The following NRK variants were observed in gnomAD, a reference collection of about 807,000 sequenced individuals.
NRK encodes the protein Nik related kinase, also known as nik-related protein kinase.
NRK carries 67 observed loss-of-function variants against 125.2 expected under a neutral mutation model. That is an observed-to-expected ratio of 0.54 (90% CI 0.44 to 0.66). NRK has a LOEUF of 0.66. Among genes scored for constraint, NRK ranks in the 30% least tolerant of loss-of-function variants. The probability of loss-of-function intolerance (pLI) is 0.00; values close to 1 mark genes in which losing one functional copy is unlikely to be tolerated. For synonymous variants in NRK, 458 were observed against 429.0 expected, an observed-to-expected ratio of 1.07 and a Z score of -0.84; for missense variants, 1,224 against 1,192.9, an observed-to-expected ratio of 1.03 and a Z score of -0.38.
In NRK at chrX:105,896,130, C is replaced by T. The variant is rs1215102117; in HGVS notation, c.580+607C>T. Among the ~76,000 whole-genome samples, 3 of 111,948 alleles carry T rather than the reference C, an allele frequency of 2.7e-5. No individual in the cohort carries two copies. The Admixed American group carries it at 2.8e-4, about 11-fold the overall frequency. Reference sequence around the variant, plus strand: ...TATATAATTTACTTGAAAATAACCACACATACTTTCTGATTTTCTTGTCCT... The same window carrying T: ...TATATAATTTACTTGAAAATAACCATACATACTTTCTGATTTTCTTGTCCT... On this transcript the variant is annotated intron_variant, in intron 7 of 28. Coordinates refer to ENST00000243300, the MANE Select transcript of NRK (RefSeq NM_198465.4).
chrX:105,924,395 A>G (rs948662015), intron 18 of NRK, among the ~76,000 whole-genome samples: 1 of 111,933 alleles, frequency 8.9e-6, no homozygotes, highest in Non-Finnish European at 1.9e-5. Flanking sequence ...GAAAAAAACT[A>G]CATATTCTTG....
At chrX:105,850,966 A>G (rs1008362437) in intron 2 of NRK, among the ~76,000 whole-genome samples, 3 of 111,605 alleles carry the variant, frequency 2.7e-5, no homozygotes, top group African/African-American at 9.8e-5. Context: ...GCCCCACTCT[A>G]CTGGTACCAA....
At chrX:105,877,160 A>G (rs1430237844) in intron 2 of NRK, among the ~76,000 whole-genome samples, 1 of 111,751 alleles carries the variant, frequency 8.9e-6, no homozygotes, top group Non-Finnish European at 1.9e-5. Context: ...CCAAAAATTC[A>G]CATAACCTCA....
chrX:105,886,976 A>G (rs932455538), intron 4 of NRK, among the ~76,000 whole-genome samples: 12 of 111,390 alleles, frequency 1.1e-4, no homozygotes, highest in African/African-American at 3.6e-4. Context: ...AGCTAAAACT[A>G]TAAAATGCTT....
intron 2 of NRK, among the ~76,000 whole-genome samples, chrX:105,834,159 G>C (rs769973081): frequency 8.1e-5 from 9 of 111,023 alleles, no homozygotes; most frequent in African/African-American, 2.6e-4. Context: ...ATTTCTTATA[G>C]TCCAAGGCTT....
intron 2 of NRK, among the ~76,000 whole-genome samples, chrX:105,861,517 T>G (rs762258020): frequency 3.9e-4 from 44 of 111,780 alleles, no homozygotes; most frequent in Non-Finnish European, 4.9e-4. Flanking sequence ...GTCTTACAGT[T>G]AGGTAGCTGA....
chrX:105,828,334 G>C (rs951937775), intron 1 of NRK, among the ~76,000 whole-genome samples: 1 of 111,888 alleles, frequency 8.9e-6, no homozygotes, highest in Non-Finnish European at 1.9e-5. Context: ...TCCCAACATA[G>C]ATATGAGGCC....
intron 19 of NRK, among the ~76,000 whole-genome samples, chrX:105,933,687 A>C (rs758241054): frequency 9.0e-6 from 1 of 111,421 alleles, no homozygotes; most frequent in South Asian, 3.8e-4. Context: ...CAGGTTTTTC[A>C]TGCTTTCAGT....
intron 4 of NRK, among the ~76,000 whole-genome samples, chrX:105,883,851 G>A (rs1171197381): frequency 8.9e-6 from 1 of 112,812 alleles, no homozygotes; most frequent in Non-Finnish European, 1.9e-5. Flanking sequence ...CTGAGAGTGC[G>A]TACGCACAAA....
In NRK at chrX:105,924,813, G is replaced by A. The variant is rs1163124416; in HGVS notation, c.3094G>A (p.Ala1032Thr). Residue 1032 changes from alanine to threonine, a missense_variant, in exon 19 of 29, where the codon GCA becomes ACA. By Grantham distance (58) the Ala-to-Thr change is moderately conservative. Coordinates refer to ENST00000243300, the MANE Select transcript of NRK (RefSeq NM_198465.4). ...AGCCAATAGAAGCCATGGAGGAAGT[G>A]CAGCCAGTGAGGACAATGCAGCCAT... ...HTANRSHGGS[A>T]ASEDNAAIGD... 2 of 1,210,664 alleles carry A rather than the reference G, an allele frequency of 1.7e-6. No homozygotes were observed. The highest frequency in any genetic ancestry group is 3.0e-5 in the East Asian group (1 of 33,766).
intron 1 of NRK, among the ~76,000 whole-genome samples, chrX:105,828,060 GC>G (rs2147634345): frequency 8.9e-6 from 1 of 112,123 alleles, no homozygotes; most frequent in Admixed American, 9.5e-5. Context: ...GACTGTAAGT[GC>G]AAAATATATG....
chrX:105,835,882 A>G (rs1045384268), intron 2 of NRK, among the ~76,000 whole-genome samples: 3 of 111,789 alleles, frequency 2.7e-5, no homozygotes, highest in African/African-American at 9.8e-5. Context: ...ATGCTAACCC[A>G]CATTTGCTCT....
chrX:105,866,129 T>C (rs1244207011), intron 2 of NRK, among the ~76,000 whole-genome samples: 1 of 111,366 alleles, frequency 9.0e-6, no homozygotes, highest in Admixed American at 9.6e-5. Flanking sequence ...TTATTAGTGA[T>C]AGAGGAGGTT....
At chrX:105,843,869 GT>G (rs753216954) in intron 2 of NRK, among the ~76,000 whole-genome samples, 3 of 109,495 alleles carry the variant, frequency 2.7e-5, no homozygotes, top group Non-Finnish European at 5.7e-5. Flanking sequence ...TGCTGTAATG[GT>G]TTTTTTTAAC....
chrX:105,920,943 A>C (rs2040434690), intron 16 of NRK, among the ~76,000 whole-genome samples: 1 of 94,761 alleles, frequency 1.1e-5, no homozygotes, highest in South Asian at 5.7e-4. Flanking sequence ...GGGATCTAGA[A>C]CTGGAAATAC....
intron 19 of NRK, among the ~76,000 whole-genome samples, chrX:105,927,477 C>G (rs2040539517): frequency 9.0e-6 from 1 of 111,385 alleles, no homozygotes; most frequent in Admixed American, 9.5e-5. Flanking sequence ...ATTGCCTTCT[C>G]TTGCCAAATT....
rs1341836354 is a variant in NRK at position 105,909,694 on chromosome X, AAAT to A, written c.2054_2056del (p.Lys685_Ser686delinsThr). ...ACAACCAGAACAGGCACGGGAGAAA[AAAT>A]CAAAAGTTTCTACTCTGAGGCAAGC... On this transcript the variant is annotated inframe_deletion, in exon 13 of 29. Coordinates refer to ENST00000243300, the MANE Select transcript of NRK (RefSeq NM_198465.4). 6.7e-6 allele frequency: 8 copies of A among 1,187,764 alleles called. No individual in the cohort carries two copies. Among genetic ancestry groups the A allele is most frequent in the Non-Finnish European group, 9.1e-6 (8 of 882,826 alleles).
At chrX:105,930,470 G>T (rs961041227) in intron 19 of NRK, among the ~76,000 whole-genome samples, 16 of 110,187 alleles carry the variant, frequency 1.5e-4, no homozygotes, top group Admixed American at 1.2e-3. Flanking sequence ...TTCAGATCAT[G>T]ATTTTTTAAA....
chrX:105,842,243 G>A (rs1236085835), intron 2 of NRK, among the ~76,000 whole-genome samples: 1 of 111,177 alleles, frequency 9.0e-6, no homozygotes, highest in Non-Finnish European at 1.9e-5. Flanking sequence ...TCTAGTCTTA[G>A]GGTCTTTTTC....
Sources: gnomAD v4.1 joint callset for allele counts (sites outside exome capture counted in the v4.1 genomes callset) on GRCh38, gnomAD v4.1.1 for gene constraint, MANE v1.5 for transcripts, NCBI Gene and HGNC (gene_info 2026-07-23, HGNC 2026-07-21) for gene names.